Variants in NLRP9 observed in about 807,000 individuals in gnomAD.
The protein encoded by NLRP9 is NACHT, LRR and PYD domains-containing protein 9.
A neutral mutation model predicts 83.1 loss-of-function variants in NLRP9; 88 were observed. That is an observed-to-expected ratio of 1.06 (90% CI 0.89 to 1.26). The LOEUF (loss-of-function observed/expected upper bound fraction) is 1.26. Among genes scored for constraint, NLRP9 ranks in the 50% most tolerant of loss-of-function variants. The probability of loss-of-function intolerance (pLI) is 0.00; values close to 1 mark genes in which losing one functional copy is unlikely to be tolerated. For missense variants in NLRP9, 1,308 were observed against 1,179.3 expected (o/e 1.11, Z -1.60); for synonymous variants, 521 against 447.6 (o/e 1.16, Z -2.07).
chr19:55,729,911 T>C lies in NLRP9; in HGVS notation c.1914A>G (p.Glu638=). 4 of 1,613,872 alleles carry C rather than the reference T, an allele frequency of 2.5e-6. No individual in the cohort carries two copies. Among genetic ancestry groups the C allele is most frequent in the East Asian group, 2.2e-5 (1 of 44,882 alleles). The part of the protein sequence containing the change: ...TNKNFQILDM[E]NTSLDDPSLA... ...GGGAGGGATCATCGAGGCTGGTATT[T>C]TCCATGTCTAAAATCTGGAAGTTCT... The change falls in exon 3 of 9, where the codon GAA becomes GAG. Residue 638 remains glutamate, a synonymous_variant. Coordinates refer to ENST00000332836, the MANE Select transcript of NLRP9 (RefSeq NM_176820.4).
intron 4 of NLRP9, among the ~76,000 whole-genome samples, chr19:55,717,607 A>C (rs957000047): frequency 6.6e-6 from 1 of 152,232 alleles, no homozygotes; most frequent in African/African-American, 2.4e-5. Context: ...TGTCAATAGC[A>C]CTACAAGAAA....
At chr19:55,726,030 A>G (rs1298522337) in intron 3 of NLRP9, among the ~76,000 whole-genome samples, 2 of 151,980 alleles carry the variant, frequency 1.3e-5, no homozygotes, top group Non-Finnish European at 2.9e-5. Flanking sequence ...TCTCAGAAAA[A>G]AAAAAAGAAA....
intron 3 of NLRP9, among the ~76,000 whole-genome samples, chr19:55,729,445 C>A (rs1464855217): frequency 6.6e-6 from 1 of 152,024 alleles, no homozygotes; most frequent in Non-Finnish European, 1.5e-5. Context: ...CCCATGTGTT[C>A]TCATTGTTCA....
At chr19:55,710,095 G>A (rs1259002560) in intron 8 of NLRP9, among the ~76,000 whole-genome samples, 1 of 152,186 alleles carries the variant, frequency 6.6e-6, no homozygotes, top group Non-Finnish European at 1.5e-5. Context: ...AGATGGCTAA[G>A]TTTCCTTTCA....
In NLRP9 at chr19:55,733,355, G is replaced by GT. The variant is rs778552951; in HGVS notation, c.475dup (p.Thr159AsnfsTer31). The GT allele has an allele frequency of 3.5e-5, 56 of 1,614,146 alleles. No homozygotes were observed. Among genetic ancestry groups the GT allele is most frequent in the Admixed American group, 2.3e-4 (14 of 60,020 alleles). On this transcript the variant is annotated frameshift_variant, in exon 2 of 9. Transcript: ENST00000332836. LOFTEE classifies it high-confidence loss of function. Reference sequence around the variant, plus strand: ...CAACATCACTTTTCTTAAAAGGGTTGTTTTTCCAATTCCATCAGGACCTTC... The same window carrying GT: ...CAACATCACTTTTCTTAAAAGGGTTGTTTTTTCCAATTCCATCAGGACCTTC...
chr19:55,719,932 A>C (rs1568597503), intron 4 of NLRP9, among the ~76,000 whole-genome samples: 1 of 152,232 alleles, frequency 6.6e-6, no homozygotes, highest in Non-Finnish European at 1.5e-5. Flanking sequence ...GACGAAATAT[A>C]CTGATTTATT....
rs57736610 is a variant in NLRP9, at chr19:55,737,734, T to TAAA, written c.280+358_280+360dup. ...GAGCAACATGGCAAGACCCTTTCTC[T>TAAA]AAAAAAAAAAAAAAAAAAAAAAAAA... is the stretch of plus-strand genomic sequence containing the variant. On this transcript the variant is annotated intron_variant, in intron 1 of 8. Transcript: ENST00000332836. 117 of 80,290 alleles carry TAAA rather than the reference T, an allele frequency of 1.5e-3. 2 individuals are homozygous for TAAA. Among genetic ancestry groups the TAAA allele is most frequent in the East Asian group, 3.4e-3 (9 of 2,668 alleles). 5.0% of individuals were successfully genotyped at this position (80,290 alleles called of 1,614,324 possible).
chr19:55,731,770 C>T (rs886372988), intron 2 of NLRP9, among the ~76,000 whole-genome samples: 1 of 151,240 alleles, frequency 6.6e-6, no homozygotes, highest in Non-Finnish European at 1.5e-5. Context: ...TAATCTCACA[C>T]GAGCCCTATG....
At chr19:55,715,455 C>T (rs935071397) in intron 5 of NLRP9, among the ~76,000 whole-genome samples, 5 of 152,134 alleles carry the variant, frequency 3.3e-5, no homozygotes, top group Admixed American at 1.3e-4. Context: ...GAGGCTGAGG[C>T]GGGCGGATCA....
At chr19:55,730,103 G>T in intron 2 of NLRP9, 111 bp from the exon 3 acceptor site, 1 of 941,552 alleles carries the variant, frequency 1.1e-6, no homozygotes, top group Non-Finnish European at 1.6e-6. Context: ...AGACACCCAG[G>T]CCTGAACAGG....
chr19:55,712,280 T>C, intron 7 of NLRP9, 140 bp downstream of exon 7: 1 of 743,182 alleles, frequency 1.3e-6, no homozygotes, highest in South Asian at 1.8e-5. Context: ...GAGCAAACCC[T>C]GGGGCAGCAT....
At chr19:55,735,445 T>C (rs1028222250) in intron 1 of NLRP9, among the ~76,000 whole-genome samples, 3 of 151,968 alleles carry the variant, frequency 2.0e-5, no homozygotes, top group African/African-American at 7.3e-5. Flanking sequence ...AATTAAAAAA[T>C]ATGCAGATAA....
chr19:55,734,720 C>T (rs762482231), intron 1 of NLRP9, among the ~76,000 whole-genome samples: 31 of 151,654 alleles, frequency 2.0e-4, no homozygotes, highest in Non-Finnish European at 3.4e-4. Context: ...CTGCAACCTC[C>T]GCCTCCTGGG....
At chr19:55,716,986 C>A in intron 4 of NLRP9, 88 bp from the exon 5 acceptor site, 5 of 937,284 alleles carry the variant, frequency 5.3e-6, no homozygotes, top group Non-Finnish European at 8.3e-6. Flanking sequence ...ACCTCTGATT[C>A]TAGTCTTGCA....
chr19:55,711,098 C>CA (rs1568590666), intron 8 of NLRP9, among the ~76,000 whole-genome samples: 1 of 130,514 alleles, frequency 7.7e-6, no homozygotes, highest in African/African-American at 3.3e-5. Flanking sequence ...AAAAACAAAA[C>CA]AAAACAAAAC....
Position 55,722,134 on chromosome 19 carries a change from G to A in NLRP9, c.2159+1846C>T, listed in dbSNP as rs557615980. ...AGAACTACTGAGCTAGAGAGAACCT[G>A]ACTTTGAAGACCTTCCACCACCAAT... On this transcript the variant is annotated intron_variant, in intron 4 of 8. Coordinates refer to ENST00000332836, the MANE Select transcript of NLRP9 (RefSeq NM_176820.4). Among the ~76,000 whole-genome samples, 7 of 151,666 alleles carry A rather than the reference G, an allele frequency of 4.6e-5. No individual in the cohort carries two copies. The East Asian group carries it at 1.4e-3, about 29-fold the overall frequency.
rs187966600 is a variant in NLRP9, at chr19:55,711,529, G to A, written c.2843+271C>T. 4.6e-3 allele frequency: 5,772 copies of A among 1,264,288 alleles called. 13 individuals carry two copies. The highest frequency in any genetic ancestry group is 5.7e-3 in the Non-Finnish European group (5,365 of 934,110). The allele number at this position is 1,264,288 out of a possible 1,614,324, so 78.3% of individuals were successfully genotyped here. ...TCTCACCTGGTGCAACTGTGTCTCC[G>A]AGGGACTTCTGACAATTTCTGGAGC... On this transcript the variant is annotated intron_variant, in intron 8 of 8. Coordinates refer to ENST00000332836, the MANE Select transcript of NLRP9 (RefSeq NM_176820.4).
At chr19:55,728,673 TCTG>T (rs1199195015) in intron 3 of NLRP9, among the ~76,000 whole-genome samples, 1 of 152,162 alleles carries the variant, frequency 6.6e-6, no homozygotes, top group African/African-American at 2.4e-5. Flanking sequence ...AGTCTTAACG[TCTG>T]CTATGTTAAC....
At chr19:55,714,427 G>A (rs910162366) in intron 6 of NLRP9, among the ~76,000 whole-genome samples, 3 of 152,152 alleles carry the variant, frequency 2.0e-5, no homozygotes, top group Middle Eastern at 3.4e-3. Context: ...GGAGAGGTGA[G>A]TCACCTGCAC....
Sources: allele counts gnomAD v4.1 joint callset (sites outside exome capture counted in the v4.1 genomes callset), GRCh38; gene constraint gnomAD v4.1.1; transcripts MANE v1.5; gene names NCBI Gene and HGNC (gene_info 2026-07-23, HGNC 2026-07-21).